Variants in LPA observed in about 807,000 individuals in gnomAD.
The protein encoded by LPA is lipoprotein(a).
LPA carries 199 observed loss-of-function variants against 197.9 expected under a neutral mutation model. The ratio of observed to expected loss-of-function variants is 1.01; its 90% CI spans 0.90 to 1.13. The LOEUF (loss-of-function observed/expected upper bound fraction) is 1.13. Among genes scored for constraint, LPA ranks in the 50% most tolerant of loss-of-function variants. LPA has a pLI of 0.00. For synonymous variants in LPA, 715 were observed against 639.5 expected, an observed-to-expected ratio of 1.12 and a Z score of -1.78; for missense variants, 1,853 against 1,785.8, an observed-to-expected ratio of 1.04 and a Z score of -0.68.
intron 28 of LPA, among the ~76,000 whole-genome samples, chr6:160,565,755 C>T (rs9346821): frequency 0.3 from 46,293 of 151,988 alleles, 7,412 homozygotes; most frequent in East Asian, 0.4. Context: ...ATGTTCGAAC[C>T]CATTGCAAAG....
intron 16 of LPA, among the ~76,000 whole-genome samples, chr6:160,610,208 G>A (rs1779462509): frequency 6.6e-6 from 1 of 152,002 alleles, no homozygotes; most frequent in African/African-American, 2.4e-5. Context: ...CTCACTCTGG[G>A]GATACCGCAT....
intron 32 of LPA, among the ~76,000 whole-genome samples, chr6:160,546,154 G>A (rs1778066614): frequency 6.6e-6 from 1 of 152,144 alleles, no homozygotes; most frequent in East Asian, 1.9e-4. Flanking sequence ...GTTGCCAAGG[G>A]AACCAACCAT....
intron 29 of LPA, among the ~76,000 whole-genome samples, 193 bp downstream of exon 29, chr6:160,557,197 C>T (rs1475274240): frequency 6.6e-6 from 1 of 152,038 alleles, no homozygotes; most frequent in Admixed American, 6.6e-5. Flanking sequence ...GGTGGGTTTG[C>T]ACCATTCCTG....
chr6:160,656,847 TA>T (rs1780141411), intron 1 of LPA, among the ~76,000 whole-genome samples: 2 of 152,222 alleles, frequency 1.3e-5, no homozygotes, highest in Non-Finnish European at 2.9e-5. Flanking sequence ...TAGTCCATTC[TA>T]CCTGGCAGTT....
chr6:160,550,380 C>A (rs1778149121), intron 30 of LPA, among the ~76,000 whole-genome samples: 1 of 152,106 alleles, frequency 6.6e-6, no homozygotes, highest in Non-Finnish European at 1.5e-5. Context: ...GTATTATGTA[C>A]CGTGGGAATG....
At chr6:160,575,610 A>G (rs150114822) in intron 28 of LPA, among the ~76,000 whole-genome samples, 1,741 of 152,318 alleles carry the variant, frequency 0.011, 38 homozygotes, top group African/African-American at 0.04. Context: ...CTTAAAATAC[A>G]TCAACTCTGT....
intron 28 of LPA, among the ~76,000 whole-genome samples, chr6:160,563,649 T>C (rs544258044): frequency 6.6e-5 from 10 of 150,588 alleles, no homozygotes; most frequent in Non-Finnish European, 1.5e-4. Context: ...GTCGATCTAA[T>C]ATTGGCTGTG....
At position 160,590,936 on chromosome 6, in the gene LPA, C is replaced by G; in HGVS notation, c.3787+8G>C. 1 of 1,613,928 alleles carries G rather than the reference C, an allele frequency of 6.2e-7. No individual in the cohort carries two copies. The highest frequency in any genetic ancestry group is 8.5e-7 in the Non-Finnish European group (1 of 1,179,854). On this transcript the variant is annotated splice_region_variant and intron_variant, in intron 23 of 38. Transcript: ENST00000316300. Reference sequence around the variant, plus strand: ...AAGGGTGTGGTTGTCTGGCCAGAGACTTCTTACCTTGTTCAGAAACAGCCG... The same window carrying G: ...AAGGGTGTGGTTGTCTGGCCAGAGAGTTCTTACCTTGTTCAGAAACAGCCG...
At chr6:160,594,647 T>G (rs557880685) in intron 21 of LPA, among the ~76,000 whole-genome samples, 1 of 152,172 alleles carries the variant, frequency 6.6e-6, no homozygotes, top group Non-Finnish European at 1.5e-5. Flanking sequence ...GGCCAAAATT[T>G]TATTCCCTTG....
chr6:160,605,426 T>C (rs746202324), intron 17 of LPA, among the ~76,000 whole-genome samples: 3 of 152,226 alleles, frequency 2.0e-5, no homozygotes, highest in Admixed American at 6.5e-5. Flanking sequence ...CCTAACACTT[T>C]AGAACTGTAG....
intron 34 of LPA, 131 bp downstream of exon 34, chr6:160,542,557 T>C (rs41265938): frequency 4.6e-4 from 637 of 1,398,406 alleles, no homozygotes; most frequent in Non-Finnish European, 5.9e-4. Context: ...TTTTTCTATA[T>C]TTTTTCCTCC....
intron 38 of LPA, 62 bp downstream of exon 38, chr6:160,532,469 G>A (rs41266371): frequency 1.0e-4 from 137 of 1,349,792 alleles, no homozygotes; most frequent in Non-Finnish European, 1.4e-4. Context: ...TGGGACTGAC[G>A]TCTAAGGGAC....
intron 2 of LPA, among the ~76,000 whole-genome samples, chr6:160,647,273 T>A (rs1218175656): frequency 3.9e-5 from 6 of 152,092 alleles, no homozygotes; most frequent in Non-Finnish European, 5.9e-5. Flanking sequence ...AACAATGAAT[T>A]AGGAGGCAAA....
chr6:160,602,433 A>T (rs1321908142), intron 18 of LPA, among the ~76,000 whole-genome samples: 1 of 152,226 alleles, frequency 6.6e-6, no homozygotes, highest in Non-Finnish European at 1.5e-5. Flanking sequence ...TTTAGTCTAT[A>T]TGTTCAAATT....
At chr6:160,547,502 A>T in intron 32 of LPA, among the ~76,000 whole-genome samples, 1 of 152,086 alleles carries the variant, frequency 6.6e-6, no homozygotes, top group East Asian at 1.9e-4. Context: ...CAGTTCCAGT[A>T]CCAGTACCAG....
chr6:160,587,469 T>C (rs1778932602), intron 24 of LPA, among the ~76,000 whole-genome samples: 1 of 152,138 alleles, frequency 6.6e-6, no homozygotes. Context: ...GGAACCCCCT[T>C]TTTTTCTTTT....
At chr6:160,652,810 T>C (rs904240163) in intron 1 of LPA, among the ~76,000 whole-genome samples, 1 of 152,120 alleles carries the variant, frequency 6.6e-6, no homozygotes, top group African/African-American at 2.4e-5. Flanking sequence ...ATGTAAGATT[T>C]CTATATATCC....
chr6:160,560,946 GT>G (rs1778350915), intron 28 of LPA, among the ~76,000 whole-genome samples: 1 of 151,990 alleles, frequency 6.6e-6, no homozygotes, highest in Non-Finnish European at 1.5e-5. Flanking sequence ...GTCTCACTCT[GT>G]TGCCCAGGCT....
intron 37 of LPA, among the ~76,000 whole-genome samples, chr6:160,535,121 G>T (rs981089515): frequency 3.1e-5 from 4 of 127,038 alleles, no homozygotes; most frequent in African/African-American, 1.2e-4. Context: ...GGTGATGATG[G>T]TTACAGTGAT....
Sources: allele counts gnomAD v4.1 joint callset (sites outside exome capture counted in the v4.1 genomes callset), GRCh38; gene constraint gnomAD v4.1.1; transcripts MANE v1.5; gene names NCBI Gene and HGNC (gene_info 2026-07-23, HGNC 2026-07-21).